The following GLIS3 variants were observed in gnomAD, a reference collection of about 807,000 sequenced individuals.
The protein encoded by GLIS3 is zinc finger protein GLIS3.
A neutral mutation model predicts 78.6 loss-of-function variants in GLIS3; 53 were observed. The observed-to-expected ratio is 0.67, with a 90% CI of 0.54 to 0.85. The LOEUF (loss-of-function observed/expected upper bound fraction) is 0.85, where lower values mean the gene tolerates loss of function less well. Ranked by LOEUF, GLIS3 falls within the 40% of genes least tolerant of loss-of-function variation. GLIS3 has a pLI of 0.00. For missense variants in GLIS3, 1,703 were observed against 1,231.1 expected (o/e 1.38, Z -5.74); for synonymous variants, 684 against 509.9 (o/e 1.34, Z -4.60).
chr9:4,123,747 G>A, intron 3 of GLIS3: 1 of 397,930 alleles, frequency 2.5e-6, no homozygotes, highest in East Asian at 3.6e-5. Context: ...ATAACTGGAA[G>A]GATGTATATC....
chr9:4,071,509 G>C (rs1827608801), intron 4 of GLIS3: 1 of 152,186 alleles, frequency 6.6e-6, no homozygotes, highest in Non-Finnish European at 1.5e-5. Flanking sequence ...ATTCACCCAT[G>C]ACCTTGAAAA....
At chr9:4,381,811 A>G in the GLIS3 span, among the ~76,000 whole-genome samples, 1 of 152,218 alleles carries the variant, frequency 6.6e-6, no homozygotes, top group Non-Finnish European at 1.5e-5. Flanking sequence ...GGCAAGAGGA[A>G]GAGCCATTAT....
At chr9:4,463,858 T>C in the GLIS3 span, among the ~76,000 whole-genome samples, 15 of 152,300 alleles carry the variant, frequency 9.8e-5, no homozygotes, top group Admixed American at 5.2e-4. Context: ...CAGGCAGTCA[T>C]TGATAGAAAG....
intron 4 of GLIS3, among the ~76,000 whole-genome samples, chr9:4,028,963 C>T (rs907372785): frequency 2.0e-5 from 3 of 152,036 alleles, no homozygotes; most frequent in Admixed American, 6.6e-5. Flanking sequence ...TGGTAAGATA[C>T]ATTATATGTG....
At chr9:3,960,457 G>C (rs1398473777) in intron 4 of GLIS3, among the ~76,000 whole-genome samples, 1 of 152,188 alleles carries the variant, frequency 6.6e-6, no homozygotes. Context: ...ATCTGGAATT[G>C]TCTGGTTTAT....
At chr9:3,995,792 G>C (rs527930069) in intron 4 of GLIS3, among the ~76,000 whole-genome samples, 2 of 152,116 alleles carry the variant, frequency 1.3e-5, no homozygotes, top group South Asian at 2.1e-4. Flanking sequence ...AAATATGAAG[G>C]ACAGTTTAAA....
At chr9:4,380,122 A>T in the GLIS3 span, among the ~76,000 whole-genome samples, 1 of 152,206 alleles carries the variant, frequency 6.6e-6, no homozygotes, top group African/African-American at 2.4e-5. Context: ...AAGGTTTCAA[A>T]CCTAGAAGGC....
chr9:4,206,091 A>C (rs1819855682), intron 2 of GLIS3, among the ~76,000 whole-genome samples: 1 of 152,212 alleles, frequency 6.6e-6, no homozygotes, highest in Non-Finnish European at 1.5e-5. Context: ...TAAGTGGTAC[A>C]AGATCCCCCC....
chr9:4,429,230 T>G, the GLIS3 span, among the ~76,000 whole-genome samples: 93 of 152,296 alleles, frequency 6.1e-4, no homozygotes, highest in African/African-American at 2.2e-3. Flanking sequence ...AAATCTTCTG[T>G]GGCTTTCCCG....
chr9:4,229,092 T>C (rs767549761), intron 2 of GLIS3, among the ~76,000 whole-genome samples: 1 of 152,122 alleles, frequency 6.6e-6, no homozygotes, highest in Non-Finnish European at 1.5e-5. Flanking sequence ...ACAAGGTTCA[T>C]AACAGTGCGT....
chr9:4,261,174 G>C (rs921487856), intron 2 of GLIS3, among the ~76,000 whole-genome samples: 3 of 152,272 alleles, frequency 2.0e-5, no homozygotes, highest in East Asian at 1.9e-4. Context: ...TCATTCATAG[G>C]ATCATCTGAC....
chr9:3,968,962 C>T (rs1470715689), intron 4 of GLIS3, among the ~76,000 whole-genome samples: 46 of 152,090 alleles, frequency 3.0e-4, no homozygotes, highest in Admixed American at 2.9e-3. Context: ...GACAAGACAC[C>T]CTTTGCAAAA....
At chr9:4,292,593 G>A (rs1433992741) in intron 1 of GLIS3, among the ~76,000 whole-genome samples, 1 of 152,136 alleles carries the variant, frequency 6.6e-6, no homozygotes, top group African/African-American at 2.4e-5. Flanking sequence ...AAAACGTAAG[G>A]ATTCAATGAT....
intron 4 of GLIS3, among the ~76,000 whole-genome samples, chr9:4,075,859 G>A (rs957600320): frequency 6.6e-6 from 1 of 152,160 alleles, no homozygotes; most frequent in African/African-American, 2.4e-5. Flanking sequence ...AAACAAAAGT[G>A]TACATACAGC....
chr9:4,180,886 A>T (rs1413864991), intron 2 of GLIS3, among the ~76,000 whole-genome samples: 1 of 152,160 alleles, frequency 6.6e-6, no homozygotes, highest in Non-Finnish European at 1.5e-5. Flanking sequence ...GGTCCCAAGT[A>T]TAGGTCCCAC....
intron 2 of GLIS3, among the ~76,000 whole-genome samples, chr9:4,344,115 T>C (rs552840913): frequency 6.6e-6 from 1 of 152,194 alleles, no homozygotes; most frequent in Admixed American, 6.5e-5. Context: ...TTCCATTTCC[T>C]ACCTTAACAT....
At chr9:4,013,237 T>G (rs1822176660) in intron 4 of GLIS3, among the ~76,000 whole-genome samples, 1 of 152,182 alleles carries the variant, frequency 6.6e-6, no homozygotes, top group Non-Finnish European at 1.5e-5. Flanking sequence ...GAAGAGCCAC[T>G]ACAGACGTTA....
At chr9:3,829,019 G>A in intron 10 of GLIS3, among the ~76,000 whole-genome samples, 1 of 152,182 alleles carries the variant, frequency 6.6e-6, no homozygotes, top group Non-Finnish European at 1.5e-5. Context: ...GTTCATGGTA[G>A]TATGGAGGGC....
intron 4 of GLIS3, among the ~76,000 whole-genome samples, chr9:3,982,548 T>C (rs1177236238): frequency 6.6e-6 from 1 of 152,200 alleles, no homozygotes; most frequent in Non-Finnish European, 1.5e-5. Context: ...CTTTTTCTTG[T>C]TGACAAAAGC....
Sources: gnomAD v4.1 joint callset for allele counts (sites outside exome capture counted in the v4.1 genomes callset) on GRCh38, gnomAD v4.1.1 for gene constraint, MANE v1.5 for transcripts, NCBI Gene and HGNC (gene_info 2026-07-23, HGNC 2026-07-21) for gene names.